The following HMGCLL1 variants were observed in gnomAD, a reference collection of about 807,000 sequenced individuals.
HMGCLL1 encodes the protein 3-hydroxymethyl-3-methylglutaryl-CoA lyase, cytoplasmic.
A neutral mutation model predicts 39.1 loss-of-function variants in HMGCLL1; 36 were observed. The observed-to-expected ratio is 0.92, with a 90% confidence interval of 0.71 to 1.22. HMGCLL1 has a LOEUF of 1.22. HMGCLL1 is among the 50% of genes most tolerant of loss of function. The probability of loss-of-function intolerance (pLI) is 0.00; values close to 1 mark genes in which losing one functional copy is unlikely to be tolerated. For synonymous variants in HMGCLL1, 149 were observed against 144.0 expected (o/e 1.03, Z -0.25); for missense variants, 451 against 416.5 (o/e 1.08, Z -0.72).
rs1197636399 is a variant in HMGCLL1 at position 55,543,256 on chromosome 6, T to C, written c.109-1116A>G. ...ATAGATATAATATAGATATATAATATATAATATAATATATCTATATTATAT... is the reference window on the plus strand; with the variant it reads ...ATAGATATAATATAGATATATAATACATAATATAATATATCTATATTATAT... On this transcript the variant is annotated intron_variant, in intron 1 of 8. Transcript: ENST00000274901. Among the ~76,000 whole-genome samples, 2 of 16,978 alleles carry C rather than the reference T, an allele frequency of 1.2e-4. 1 individual carries two copies. Among genetic ancestry groups the C allele is most frequent in the Non-Finnish European group, 2.2e-4 (2 of 8,988 alleles). The allele number at this position is 16,978 out of a possible 152,430, so 11.1% of individuals were successfully genotyped here. A position where few individuals can be genotyped will look rare whatever the true frequency, so the allele number is the denominator to read the frequency against.
At chr6:55,454,008 G>T (rs556812337) in intron 7 of HMGCLL1, among the ~76,000 whole-genome samples, 6 of 152,224 alleles carry the variant, frequency 3.9e-5, no homozygotes, top group East Asian at 1.9e-4. Flanking sequence ...TATTTACCAC[G>T]TTTCCTGAAG....
At chr6:55,608,911 A>C in the HMGCLL1 span, among the ~76,000 whole-genome samples, 1 of 152,230 alleles carries the variant, frequency 6.6e-6, no homozygotes, top group Admixed American at 6.5e-5. Context: ...TTAGATGGTT[A>C]GTGTGACCCA....
intron 6 of HMGCLL1, among the ~76,000 whole-genome samples, chr6:55,496,162 G>A (rs1286892270): frequency 6.0e-5 from 9 of 151,168 alleles, no homozygotes; most frequent in African/African-American, 7.3e-5. Flanking sequence ...ATTTTTTTTC[G>A]GAGATTTTCA....
intron 7 of HMGCLL1, among the ~76,000 whole-genome samples, chr6:55,477,309 TATATAATATATATTATA>T (rs1765444225): frequency 1.5e-4 from 2 of 13,550 alleles, no homozygotes; most frequent in Non-Finnish European, 2.0e-4. Context: ...ATATATTATA[TATATAATATATATTATA>T]TTATATAATA....
chr6:55,435,640 G>C lies in HMGCLL1; in HGVS notation c.*22C>G. On this transcript the variant is annotated 3_prime_UTR_variant, in exon 9 of 9. Transcript: ENST00000274901. ...GTAGCTGAAATTGATCTTCTCAACG[G>C]TACGTCATAAATCCATTCAAGTCAA... 7.3e-7 allele frequency: 1 copy of C among 1,367,196 alleles called. No individual in the cohort carries two copies. The highest frequency in any genetic ancestry group is 1.9e-5 in the Admixed American group (1 of 53,338). The allele number at this position is 1,367,196 out of a possible 1,614,324, so 84.7% of individuals were successfully genotyped here.
chr6:55,450,087 A>G (rs1460867237), intron 7 of HMGCLL1, among the ~76,000 whole-genome samples: 1 of 152,148 alleles, frequency 6.6e-6, no homozygotes, highest in African/African-American at 2.4e-5. Context: ...CACTTTTTGG[A>G]GGTGGGAGAA....
At chr6:55,593,953 C>A in the HMGCLL1 span, among the ~76,000 whole-genome samples, 1 of 152,064 alleles carries the variant, frequency 6.6e-6, no homozygotes, top group South Asian at 2.1e-4. Flanking sequence ...CGGTTTGGGA[C>A]CAAAGCTGTG....
At chr6:55,539,894 GAAAGAA>G (rs1249472793) in intron 3 of HMGCLL1, among the ~76,000 whole-genome samples, 1 of 139,594 alleles carries the variant, frequency 7.2e-6, no homozygotes, top group Non-Finnish European at 1.5e-5. Flanking sequence ...AAGAAAGAAA[GAAAGAA>G]AGAAAGAAAG....
In HMGCLL1 at chr6:55,563,883, T is replaced by A. The variant is rs771769245; in HGVS notation, c.108+15065A>T. 9.3e-6 allele frequency: 12 copies of A among 1,288,178 alleles called. No homozygotes were observed. In the South Asian group the frequency reaches 1.5e-4, roughly 16 times the overall value. The allele number at this position is 1,288,178 out of a possible 1,614,324, so 79.8% of individuals were successfully genotyped here. A position where few individuals can be genotyped will look rare whatever the true frequency, so the allele number is the denominator to read the frequency against. On this transcript the variant is annotated intron_variant, in intron 1 of 8. Transcript: ENST00000274901. ...GGATCAGGGCTTCCTGAGAGGTCCA[T>A]GGTGCAGCATCAGCATCACAGACTG...
At chr6:55,447,998 G>A (rs540800160) in intron 7 of HMGCLL1, among the ~76,000 whole-genome samples, 2 of 152,080 alleles carry the variant, frequency 1.3e-5, no homozygotes, top group Non-Finnish European at 1.5e-5. Flanking sequence ...GAAGAACATC[G>A]ACAAATCAAA....
the HMGCLL1 span, among the ~76,000 whole-genome samples, chr6:55,659,856 C>A: frequency 6.6e-6 from 1 of 151,818 alleles, no homozygotes; most frequent in Admixed American, 6.6e-5. Context: ...AAATGTCAGT[C>A]TATAATGTAG....
At chr6:55,586,966 G>A in the HMGCLL1 span, among the ~76,000 whole-genome samples, 9 of 152,138 alleles carry the variant, frequency 5.9e-5, no homozygotes, top group South Asian at 2.1e-4. Flanking sequence ...CTGAGGAATC[G>A]CCACACTGAC....
chr6:55,662,631 G>A, the HMGCLL1 span, among the ~76,000 whole-genome samples: 1 of 151,628 alleles, frequency 6.6e-6, no homozygotes. Flanking sequence ...CAAGGATATT[G>A]GCTTGAAATT....
chr6:55,589,141 A>G, the HMGCLL1 span, among the ~76,000 whole-genome samples: 7 of 152,240 alleles, frequency 4.6e-5, no homozygotes, highest in African/African-American at 1.7e-4. Context: ...ATGAACATCA[A>G]TGCAAAAATC....
chr6:55,662,910 A>G, the HMGCLL1 span, among the ~76,000 whole-genome samples: 6 of 151,478 alleles, frequency 4.0e-5, no homozygotes, highest in African/African-American at 1.2e-4. Flanking sequence ...TTTCTGTTCA[A>G]TCTTGGGAAG....
chr6:55,592,341 TC>T, the HMGCLL1 span, among the ~76,000 whole-genome samples: 1 of 152,116 alleles, frequency 6.6e-6, no homozygotes, highest in Admixed American at 6.6e-5. Flanking sequence ...GATATCTGAT[TC>T]TTAGTAATTC....
the HMGCLL1 span, among the ~76,000 whole-genome samples, chr6:55,635,481 G>A: frequency 7.6e-4 from 115 of 152,150 alleles, no homozygotes; most frequent in African/African-American, 2.6e-3. Flanking sequence ...CTACAAACAA[G>A]GGATTAAGTT....
chr6:55,456,486 A>G (rs1177824690), intron 7 of HMGCLL1, among the ~76,000 whole-genome samples: 7 of 152,200 alleles, frequency 4.6e-5, no homozygotes, highest in Admixed American at 4.6e-4. Context: ...TCCAAGGAAG[A>G]AAAAGAGTTC....
the HMGCLL1 span, among the ~76,000 whole-genome samples, chr6:55,621,718 A>G: frequency 9.8e-3 from 1,497 of 152,182 alleles, 25 homozygotes; most frequent in African/African-American, 0.023. Context: ...AACAGAAATA[A>G]AGTACACAAT....
Sources: allele counts gnomAD v4.1 joint callset (sites outside exome capture counted in the v4.1 genomes callset), GRCh38; gene constraint gnomAD v4.1.1; transcripts MANE v1.5; gene names NCBI Gene and HGNC (gene_info 2026-07-23, HGNC 2026-07-21).